Variants in SCN10A observed in about 807,000 individuals in gnomAD.
The protein encoded by SCN10A is sodium channel protein type 10 subunit alpha.
SCN10A carries 162 observed loss-of-function variants against 170.7 expected under a neutral mutation model. The ratio of observed to expected loss-of-function variants is 0.95; its 90% CI spans 0.84 to 1.08. The LOEUF is 1.08. SCN10A is among the 50% of genes least tolerant of loss of function. SCN10A has a pLI of 0.00. For synonymous variants in SCN10A, 985 were observed against 904.6 expected (o/e 1.09, Z -1.59); for missense variants, 2,527 against 2,436.9 (o/e 1.04, Z -0.78).
rs2063161330 is a variant in SCN10A at position 38,701,994 on chromosome 3, C to T, written c.4502G>A (p.Ser1501Asn). The T allele has an allele frequency of 1.2e-6, 2 of 1,614,160 alleles. No individual in the cohort carries two copies. The highest frequency in any genetic ancestry group is 1.7e-5 in the Admixed American group (1 of 60,020). ...GCCCAGAATTTTCGTCTTTTCTTCA[C>T]TTTGGTCATCAGTCTCCACCATCAT... ...ITMMVETDDQ[S>N]EEKTKILGKI... Residue 1501 changes from serine to asparagine, a missense_variant, in exon 27 of 28, where the codon AGT (serine) becomes AAT (asparagine). Ser to Asn is a conservative substitution (Grantham distance 46). Coordinates refer to ENST00000449082, the MANE Select transcript of SCN10A (RefSeq NM_006514.4).
chr3:38,726,557 T>C, intron 17 of SCN10A, 49 bp downstream of exon 17: 1 of 1,466,998 alleles, frequency 6.8e-7, no homozygotes, highest in Non-Finnish European at 9.2e-7. Flanking sequence ...ACTCAAGCCC[T>C]GAAGCCCCTC....
intron 19 of SCN10A, 133 bp from the exon 20 acceptor site, chr3:38,722,545 T>C: frequency 9.8e-7 from 1 of 1,020,542 alleles, no homozygotes; most frequent in Non-Finnish European, 1.4e-6. Context: ...TTTCCTGGAA[T>C]ATGGGTGAAG....
At chr3:38,774,009 T>G (rs541470385) in intron 4 of SCN10A, among the ~76,000 whole-genome samples, 2 of 151,726 alleles carry the variant, frequency 1.3e-5, no homozygotes, top group East Asian at 3.9e-4. Context: ...GAAATTGCTG[T>G]TTTTTTTGTC....
intron 4 of SCN10A, among the ~76,000 whole-genome samples, chr3:38,775,212 G>A (rs1191085601): frequency 3.9e-5 from 6 of 151,954 alleles, no homozygotes; most frequent in African/African-American, 7.2e-5. Context: ...TTATAATCCC[G>A]AACAGAAATG....
intron 5 of SCN10A, 39 bp downstream of exon 5, chr3:38,771,240 T>C: frequency 1.9e-6 from 3 of 1,607,402 alleles, no homozygotes; most frequent in Non-Finnish European, 2.6e-6. Flanking sequence ...TTGTCCCCTC[T>C]CCTATCACAC....
In SCN10A at chr3:38,728,719, G is replaced by A. The variant is rs777084010; in HGVS notation, c.2463C>T (p.Ser821=). The change falls in exon 16 of 28, where the codon TCC becomes TCT. Residue 821 remains serine (S), a synonymous_variant. Transcript: ENST00000449082. ...AGCGGGGCCAGTCTTCATGGGGCGC[G>A]GAGATATTTTTTCGGTTGTTACGGT... The part of the protein sequence containing the change: ...ENYRNNRKNI[S]APHEDWPRWH... 14 of 1,614,064 alleles carry A rather than the reference G, an allele frequency of 8.7e-6. No homozygotes were observed. The highest frequency in any genetic ancestry group is 5.0e-5 in the Admixed American group (3 of 60,008).
At chr3:38,702,282 A>T (rs1466685265) in intron 26 of SCN10A, among the ~76,000 whole-genome samples, 173 bp from the exon 27 acceptor site, 2 of 152,204 alleles carry the variant, frequency 1.3e-5, no homozygotes, top group Non-Finnish European at 2.9e-5. Context: ...TCATTGCCCC[A>T]GTTCAAGTCC....
intron 21 of SCN10A, 34 bp from the exon 22 acceptor site, chr3:38,714,114 G>A: frequency 6.2e-7 from 1 of 1,608,590 alleles, no homozygotes; most frequent in Middle Eastern, 1.7e-4. Flanking sequence ...CATCACTCTA[G>A]GTTTCCAGAA....
rs2063095789 is a variant in SCN10A, at chr3:38,697,007, T to G, written c.*342A>C. ...CAGTAATGTTCTTGTTCTATATCTT[T>G]GGAAGTTCTGGTCCTGAGAAGTTTG... On this transcript the variant is annotated 3_prime_UTR_variant, in exon 28 of 28. Coordinates refer to ENST00000449082, the MANE Select transcript of SCN10A (RefSeq NM_006514.4). 1 of 306,104 alleles carries G rather than the reference T, an allele frequency of 3.3e-6. No individual in the cohort carries two copies. Among genetic ancestry groups the G allele is most frequent in the Admixed American group, 4.5e-5 (1 of 22,232 alleles). 19.0% of individuals were successfully genotyped at this position (306,104 alleles called of 1,614,324 possible).
At chr3:38,736,008 T>C (rs549919467) in intron 15 of SCN10A, among the ~76,000 whole-genome samples, 1 of 152,292 alleles carries the variant, frequency 6.6e-6, no homozygotes, top group African/African-American at 2.4e-5. Context: ...CAACTTTAGA[T>C]AGTGTGGTTG....
chr3:38,761,525 C>A, intron 6 of SCN10A, 142 bp from the exon 7 acceptor site: 1 of 556,238 alleles, frequency 1.8e-6, no homozygotes. Flanking sequence ...AGACCTTTCT[C>A]ATCCGAAGCT....
rs376080236 is a variant in SCN10A at position 38,707,399 on chromosome 3, C to T, written c.4282-16G>A. The T allele has an allele frequency of 2.5e-6, 4 of 1,611,944 alleles. No individual in the cohort carries two copies. Among genetic ancestry groups the T allele is most frequent in the Non-Finnish European group, 3.4e-6 (4 of 1,178,026 alleles). The stretch of plus-strand genomic sequence containing the variant: ...GGCCCCCTAAGTGCAGAGAGGGCCA[C>T]ACTGTTACTAAAGCAAGAGGAACCC... On this transcript the variant is annotated splice_polypyrimidine_tract_variant and intron_variant, in intron 25 of 27. Coordinates refer to ENST00000449082, the MANE Select transcript of SCN10A (RefSeq NM_006514.4).
intron 13 of SCN10A, among the ~76,000 whole-genome samples, chr3:38,743,091 T>C (rs1437855648): frequency 2.0e-5 from 3 of 152,224 alleles, no homozygotes; most frequent in Non-Finnish European, 4.4e-5. Flanking sequence ...TCCAGATGAC[T>C]GTTTCTCACT....
At chr3:38,812,575 C>T (rs1011559104) in intron 1 of SCN10A, among the ~76,000 whole-genome samples, 4 of 152,060 alleles carry the variant, frequency 2.6e-5, no homozygotes, top group African/African-American at 4.8e-5. Context: ...ATGTAGAAAA[C>T]GAGAAGACTC....
At chr3:38,782,205 G>A (rs935047932) in intron 4 of SCN10A, among the ~76,000 whole-genome samples, 1 of 152,072 alleles carries the variant, frequency 6.6e-6, no homozygotes, top group African/African-American at 2.4e-5. Flanking sequence ...AGAAGCAGCA[G>A]TAAGTGAACA....
intron 1 of SCN10A, among the ~76,000 whole-genome samples, chr3:38,796,631 G>T (rs1045199971): frequency 6.6e-6 from 1 of 151,942 alleles, no homozygotes; most frequent in Non-Finnish European, 1.5e-5. Context: ...TTATGTTAAG[G>T]CTTTTCCATA....
rs769900279 is a variant in SCN10A at position 38,739,541 on chromosome 3, G to A, written c.2254C>T (p.Leu752=). 1 of 1,613,966 alleles carries A rather than the reference G, an allele frequency of 6.2e-7. No homozygotes were observed. The highest frequency in any genetic ancestry group is 1.3e-5 in the African/African-American group (1 of 74,926). Residue 752 remains leucine (L), a synonymous_variant, in exon 15 of 28, where the codon CTG becomes TTG. Transcript: ENST00000449082. Reference sequence around the variant, plus strand: ...AAGCGGAAGCTCCGCAGCACAGACAGGCTTCCCTTCTTGGCCACGCCCAGC... The same window carrying A: ...AAGCGGAAGCTCCGCAGCACAGACAAGCTTCCCTTCTTGGCCACGCCCAGC... ...LELGVAKKGS[L]SVLRSFRLLR... is the part of the protein sequence containing the mutation.
chr3:38,774,288 A>G (rs901154069), intron 4 of SCN10A, among the ~76,000 whole-genome samples: 3 of 152,150 alleles, frequency 2.0e-5, no homozygotes, highest in African/African-American at 4.8e-5. Context: ...GCTTTGATGG[A>G]TATTTCTGGT....
chr3:38,735,814 T>C (rs925433324), intron 15 of SCN10A, among the ~76,000 whole-genome samples: 1 of 152,232 alleles, frequency 6.6e-6, no homozygotes, highest in African/African-American at 2.4e-5. Flanking sequence ...TCTTCCTTTT[T>C]CCCTCCACCT....
Sources: gnomAD v4.1 joint callset for allele counts (sites outside exome capture counted in the v4.1 genomes callset) on GRCh38, gnomAD v4.1.1 for gene constraint, MANE v1.5 for transcripts, NCBI Gene and HGNC (gene_info 2026-07-23, HGNC 2026-07-21) for gene names.